ELMO2: variants seen among roughly 807,000 people sequenced by gnomAD.
ELMO2 encodes engulfment and cell motility protein 2.
Under a neutral mutation model 96.2 loss-of-function variants are expected in ELMO2, and 37 were observed. The observed-to-expected ratio is 0.38, with a 90% CI of 0.30 to 0.51. ELMO2 has a LOEUF of 0.51. Among genes scored for constraint, ELMO2 ranks in the 20% least tolerant of loss-of-function variants. The pLI is 0.88. For synonymous variants in ELMO2, 315 were observed against 329.4 expected (o/e 0.96, Z 0.47); for missense variants, 561 against 912.6 (o/e 0.61, Z 4.96).
At chr20:46,404,688 C>T (rs186208911) in intron 1 of ELMO2, among the ~76,000 whole-genome samples, 7 of 152,164 alleles carry the variant, frequency 4.6e-5, no homozygotes, top group African/African-American at 1.7e-4. Context: ...CACAGGCTGC[C>T]CTCTGTGTAA....
intron 20 of ELMO2, chr20:46,370,004 GTA>G (rs1313919453): frequency 8.0e-5 from 27 of 336,590 alleles, no homozygotes; most frequent in African/African-American, 5.3e-4. Flanking sequence ...GTGTGTGTGT[GTA>G]TCCATATAAA....
At chr20:46,395,506 C>T (rs113688194) in intron 2 of ELMO2, among the ~76,000 whole-genome samples, 2,178 of 152,308 alleles carry the variant, frequency 0.014, 58 homozygotes, top group African/African-American at 0.049. Flanking sequence ...TAGCCATTCA[C>T]CCACAATTCA....
Position 46,375,400 on chromosome 20 carries a change from G to GA in ELMO2, c.931-31dup. ...GAGGTGAAACAGACAGTCAGCAGGT[G>GA]AATCGGCTAACCAAGGGAGCAAGGA... On this transcript the variant is annotated intron_variant, in intron 12 of 21. Coordinates refer to ENST00000290246, the MANE Select transcript of ELMO2 (RefSeq NM_133171.5). The surrounding 1 kb of genome is among the most constrained non-coding windows in gnomAD (Gnocchi z 4.6). 6.2e-7 allele frequency: 1 copy of GA among 1,611,154 alleles called. No individual in the cohort carries two copies.
chr20:46,375,831 C>G lies in ELMO2; in HGVS notation c.808-41G>C, dbSNP rs745308980. ...GCAGGGAGCAGGGGACTGAACTGAT[C>G]TCTTTTAATGAAGGGCCACATCCAT... On this transcript the variant is annotated intron_variant, in intron 11 of 21. Coordinates refer to ENST00000290246, the MANE Select transcript of ELMO2 (RefSeq NM_133171.5). The surrounding 1 kb of genome is among the most constrained non-coding windows in gnomAD (Gnocchi z 4.6). The G allele has an allele frequency of 1.9e-6, 3 of 1,611,846 alleles. No individual in the cohort carries two copies. Among genetic ancestry groups the G allele is most frequent in the African/African-American group, 2.7e-5 (2 of 74,878 alleles).
chr20:46,369,055 A>G, intron 20 of ELMO2, 87 bp from the exon 21 acceptor site: 1 of 1,215,190 alleles, frequency 8.2e-7, no homozygotes, highest in Admixed American at 1.7e-5. Context: ...GTGACTCGGC[A>G]TCATCACCAA....
rs2060212694 is a variant in ELMO2, at chr20:46,394,603, A to G, written c.-50-71T>C. On this transcript the variant is annotated intron_variant, in intron 2 of 21. Coordinates refer to ENST00000290246, the MANE Select transcript of ELMO2 (RefSeq NM_133171.5). ...TTTTCACTCTTGTTACATGTTTTGA[A>G]GAGTTTGAAGACAGACACTGCATAA... 4 of 1,194,134 alleles carry G rather than the reference A, an allele frequency of 3.3e-6. No individual in the cohort carries two copies. The Middle Eastern group carries it at 6.1e-4, about 182-fold the overall frequency. 74.0% of individuals were successfully genotyped at this position (1,194,134 alleles called of 1,614,324 possible).
rs745404709 is a variant in ELMO2 at position 46,389,233 on chromosome 20, G to A, written c.244-13C>T. 3.7e-6 allele frequency: 6 copies of A among 1,611,848 alleles called. No individual in the cohort carries two copies. In the South Asian group the frequency reaches 6.6e-5, roughly 18 times the overall value. On this transcript the variant is annotated splice_polypyrimidine_tract_variant and intron_variant, in intron 6 of 21. Coordinates refer to ENST00000290246, the MANE Select transcript of ELMO2 (RefSeq NM_133171.5). ...GTGCAGCCCGGGACTAGGAGGCCAGGGACAAGATATGTGCCATCTGCTCCT... is the reference window on the plus strand; with the variant it reads ...GTGCAGCCCGGGACTAGGAGGCCAGAGACAAGATATGTGCCATCTGCTCCT...
At position 46,389,034 on chromosome 20, in the gene ELMO2, C is replaced by G; in HGVS notation, c.425+5G>C. On this transcript the variant is annotated splice_donor_5th_base_variant and intron_variant, in intron 7 of 21. Coordinates refer to ENST00000290246, the MANE Select transcript of ELMO2 (RefSeq NM_133171.5). ...TCCTTGGAACGAGACCTTAGTCATA[C>G]TCACTGGGACAAGAGCTTGGTTCCA... 1.2e-6 allele frequency: 2 copies of G among 1,612,182 alleles called. No homozygotes were observed. Among genetic ancestry groups the G allele is most frequent in the Non-Finnish European group, 1.7e-6 (2 of 1,178,690 alleles).
chr20:46,387,234 T>C lies in ELMO2; in HGVS notation c.525+104A>G. On this transcript the variant is annotated intron_variant, in intron 8 of 21. Transcript: ENST00000290246. ...ATGAAAAATCTGGCCCCAGGGAATA[T>C]AAAGCTGATCTCACCAGAATGGCGA... 4.3e-6 allele frequency: 4 copies of C among 932,940 alleles called. No homozygotes were observed. The South Asian group carries it at 6.7e-5, about 16-fold the overall frequency. 57.8% of individuals were successfully genotyped at this position (932,940 alleles called of 1,614,324 possible). A position where few individuals can be genotyped will look rare whatever the true frequency, so the allele number is the denominator to read the frequency against.
chr20:46,401,496 C>G (rs1423696795), intron 1 of ELMO2, among the ~76,000 whole-genome samples: 1 of 152,176 alleles, frequency 6.6e-6, no homozygotes, highest in East Asian at 1.9e-4. Context: ...GTTTCTTCAT[C>G]TTGATTCCTG....
chr20:46,395,667 G>A (rs1387378224), intron 2 of ELMO2, among the ~76,000 whole-genome samples: 1 of 152,176 alleles, frequency 6.6e-6, no homozygotes, highest in Non-Finnish European at 1.5e-5. Context: ...ATGAAAAGGA[G>A]TAAAAGTCCT....
rs781566536 is a variant in ELMO2, at chr20:46,387,337, C to T, written c.525+1G>A. On this transcript the variant is annotated splice_donor_variant, in intron 8 of 21. Transcript: ENST00000290246. LOFTEE classifies it high-confidence loss of function. Reference sequence around the variant, plus strand: ...GAAAGACAGAATGTTGGAGGCCTCACCTGCTTAATAAAGGTGATTGAAACC... The same window carrying T: ...GAAAGACAGAATGTTGGAGGCCTCATCTGCTTAATAAAGGTGATTGAAACC... 6.2e-7 allele frequency: 1 copy of T among 1,613,570 alleles called. No homozygotes were observed. The highest frequency in any genetic ancestry group is 8.5e-7 in the Non-Finnish European group (1 of 1,179,702).
rs774150310 is a variant in ELMO2 at position 46,386,175 on chromosome 20, T to A, written c.626A>T (p.Gln209Leu). ...CACGGTGATTTCCTCGGCTATCTTC[T>A]GGTACAGACTCTGGCTGTTCAAGAC... ...SMVLNSQSLY[Q>L]KIAEEITVGQ... is the part of the protein sequence containing the mutation. Residue 209 changes from glutamine to leucine, a missense_variant, in exon 9 of 22, where the codon CAG becomes CTG. Physicochemically the swap from Gln to Leu is moderately radical, Grantham distance 113 (BLOSUM62 -2). Transcript: ENST00000290246. 1.2e-6 allele frequency: 2 copies of A among 1,614,210 alleles called. No individual in the cohort carries two copies. The highest frequency in any genetic ancestry group is 2.2e-5 in the South Asian group (2 of 91,088).
At chr20:46,400,061 C>T (rs1362622066) in intron 1 of ELMO2, among the ~76,000 whole-genome samples, 1 of 152,106 alleles carries the variant, frequency 6.6e-6, no homozygotes, top group African/African-American at 2.4e-5. Context: ...TTGCTTGAGC[C>T]CAGGAGTTCG....
chr20:46,379,085 C>T (rs1600841814), intron 11 of ELMO2, among the ~76,000 whole-genome samples: 1 of 152,036 alleles, frequency 6.6e-6, no homozygotes, highest in African/African-American at 2.4e-5. Context: ...CTCCACCTCC[C>T]GGGTTTCAAG....
intron 11 of ELMO2, 91 bp downstream of exon 11, chr20:46,380,162 A>G (rs1238462667): frequency 8.1e-6 from 9 of 1,117,342 alleles, no homozygotes; most frequent in Non-Finnish European, 1.2e-5. Context: ...TGTCCTCCTC[A>G]CTCATTAATA....
At chr20:46,370,039 T>C (rs2059669957) in intron 20 of ELMO2, 1 of 354,444 alleles carries the variant, frequency 2.8e-6, no homozygotes, top group African/African-American at 2.2e-5. Context: ...TGTAGAGAAA[T>C]TATGACATTT....
chr20:46,387,268 G>T, intron 8 of ELMO2, 70 bp downstream of exon 8: 1 of 1,352,054 alleles, frequency 7.4e-7, no homozygotes, highest in Non-Finnish European at 1.1e-6. Flanking sequence ...GATATTGCCT[G>T]TATCTCCCCT....
In ELMO2 at chr20:46,373,553, CAG is replaced by C; in HGVS notation, c.1280-20_1280-19del. The C allele has an allele frequency of 1.9e-6, 3 of 1,613,160 alleles. No individual in the cohort carries two copies. The highest frequency in any genetic ancestry group is 1.1e-5 in the South Asian group (1 of 91,044). ...TTCATTTGCTGTGGAAGTGAAAAAA[CAG>C]GGAGAAGATGAAGCCTCTGTCCACA... On this transcript the variant is annotated intron_variant, in intron 15 of 21. Transcript: ENST00000290246.
Sources: allele counts gnomAD v4.1 joint callset (sites outside exome capture counted in the v4.1 genomes callset), GRCh38; gene constraint gnomAD v4.1.1; non-coding constraint Gnocchi (gnomAD v3.1); transcripts MANE v1.5; gene names NCBI Gene and HGNC (gene_info 2026-07-23, HGNC 2026-07-21).